ST8SIA6: variants seen among roughly 807,000 people sequenced by gnomAD.
ST8SIA6 encodes the protein alpha-2,8-sialyltransferase 8F.
Under a neutral mutation model 33.6 loss-of-function variants are expected in ST8SIA6, and 39 were observed. The ratio of observed to expected loss-of-function variants is 1.16; its 90% CI spans 0.90 to 1.52. The LOEUF is 1.52. ST8SIA6 is among the 40% of genes most tolerant of loss of function. The pLI, the probability that ST8SIA6 is intolerant of heterozygous loss-of-function variation, is 0.00. For missense variants in ST8SIA6, 441 were observed against 443.8 expected (o/e 0.99, Z 0.06); for synonymous variants, 172 against 167.2 (o/e 1.03, Z -0.22).
chr10:17,371,125 A>G (rs747587457), intron 3 of ST8SIA6, among the ~76,000 whole-genome samples: 1 of 152,186 alleles, frequency 6.6e-6, no homozygotes, highest in Non-Finnish European at 1.5e-5. Flanking sequence ...AAAGAGAGGA[A>G]TCAAGGATAA....
At chr10:17,440,685 T>C (rs1852451882) in intron 2 of ST8SIA6, among the ~76,000 whole-genome samples, 2 of 152,074 alleles carry the variant, frequency 1.3e-5, no homozygotes, top group Admixed American at 1.3e-4. Context: ...CCTATGTGAG[T>C]AATAAACCTT....
At chr10:17,333,717 A>ATATATATTTTT (rs1251981910) in intron 4 of ST8SIA6, among the ~76,000 whole-genome samples, 6 of 33,746 alleles carry the variant, frequency 1.8e-4, no homozygotes, top group Admixed American at 4.5e-4. Context: ...ATATATATAT[A>ATATATATTTTT]TTTTTTTTTT....
intron 3 of ST8SIA6, among the ~76,000 whole-genome samples, chr10:17,368,407 C>CAAAAAAAAAAA (rs200826980): frequency 9.7e-5 from 7 of 72,196 alleles, no homozygotes; most frequent in South Asian, 9.0e-4. Flanking sequence ...AGCTCTGTCT[C>CAAAAAAAAAAA]AAAAAAAAAA....
intron 7 of ST8SIA6, 99 bp from the exon 8 acceptor site, chr10:17,321,445 A>C: frequency 1.1e-6 from 1 of 947,130 alleles, no homozygotes; most frequent in Non-Finnish European, 1.5e-6. Flanking sequence ...CAAAACACTG[A>C]ACGATTTGTA....
intron 4 of ST8SIA6, among the ~76,000 whole-genome samples, chr10:17,356,839 A>G (rs1180730872): frequency 5.3e-5 from 8 of 151,794 alleles, no homozygotes; most frequent in Non-Finnish European, 1.2e-4. Context: ...CAGATTCTAT[A>G]CCTCATAATC....
intron 7 of ST8SIA6, 64 bp downstream of exon 7, chr10:17,323,001 C>G: frequency 1.4e-6 from 2 of 1,453,734 alleles, no homozygotes; most frequent in East Asian, 2.3e-5. Flanking sequence ...AGTGCTTAAG[C>G]TGAGAAACAT....
intron 3 of ST8SIA6, among the ~76,000 whole-genome samples, chr10:17,366,384 G>A (rs901577153): frequency 1.3e-5 from 2 of 151,648 alleles, no homozygotes; most frequent in Non-Finnish European, 2.9e-5. Context: ...CTTCTTCACA[G>A]CCCCAGTGAA....
At position 17,319,467 on chromosome 10, in the gene ST8SIA6, C is replaced by A. The variant is rs1847875596; in HGVS notation, c.*1411G>T. The stretch of plus-strand genomic sequence containing the variant: ...AACACAGATGTCGAACCAGAAACTT[C>A]AGATGTGTTAACTTGGAAATGTCTA... On this transcript the variant is annotated 3_prime_UTR_variant, in exon 8 of 8. Coordinates refer to ENST00000377602, the MANE Select transcript of ST8SIA6 (RefSeq NM_001004470.3). Among the ~76,000 whole-genome samples the A allele has an allele frequency of 6.6e-6, 1 of 152,110 alleles. No homozygotes were observed. The highest frequency in any genetic ancestry group is 2.4e-5 in the African/African-American group (1 of 41,424).
At position 17,321,185 on chromosome 10, in the gene ST8SIA6, A is replaced by G; in HGVS notation, c.890T>C (p.Leu297Pro). 1 of 1,614,144 alleles carries G rather than the reference A, an allele frequency of 6.2e-7. No homozygotes were observed. Among genetic ancestry groups the G allele is most frequent in the Non-Finnish European group, 8.5e-7 (1 of 1,179,998 alleles). Residue 297 changes from leucine (L) to proline (P), a missense_variant, in exon 8 of 8, where the codon CTA becomes CCA. Leu to Pro is a moderately conservative substitution (Grantham distance 98). Transcript: ENST00000377602. ...TTTCAGGTACTTGGGATGGAAAAAT[A>G]GAACCTTTTGTCTTGCTTTAGACTC... ...LEESKARQKV[L>P]FFHPKYLKDL...
intron 7 of ST8SIA6, 26 bp downstream of exon 7, chr10:17,323,039 C>T: frequency 6.3e-7 from 1 of 1,577,414 alleles, no homozygotes; most frequent in Non-Finnish European, 8.7e-7. Flanking sequence ...TGTTCCTGAT[C>T]AGTTATGTAA....
chr10:17,446,572 G>A (rs1006291714), intron 2 of ST8SIA6, among the ~76,000 whole-genome samples: 1 of 152,234 alleles, frequency 6.6e-6, no homozygotes, highest in African/African-American at 2.4e-5. Context: ...AAGTAATTCA[G>A]TAACATGGAA....
chr10:17,439,560 C>T (rs781707758), intron 2 of ST8SIA6, among the ~76,000 whole-genome samples: 7 of 152,200 alleles, frequency 4.6e-5, no homozygotes, highest in Non-Finnish European at 7.4e-5. Context: ...GGATTACAGG[C>T]GTGAGCCACC....
intron 2 of ST8SIA6, among the ~76,000 whole-genome samples, chr10:17,401,593 A>G (rs1267756484): frequency 6.6e-6 from 1 of 152,236 alleles, no homozygotes; most frequent in African/African-American, 2.4e-5. Flanking sequence ...ATGGAGACCA[A>G]TGGAACAGAA....
intron 2 of ST8SIA6, chr10:17,410,736 A>T: frequency 6.6e-6 from 1 of 152,164 alleles, no homozygotes; most frequent in East Asian, 1.9e-4. Flanking sequence ...ACACTAGAAA[A>T]AAATCACCAG....
At chr10:17,340,405 G>T (rs1409082477) in intron 4 of ST8SIA6, among the ~76,000 whole-genome samples, 2 of 151,394 alleles carry the variant, frequency 1.3e-5, no homozygotes, top group Non-Finnish European at 1.5e-5. Context: ...TGTCTTTCCT[G>T]CCAAAACTGC....
chr10:17,367,350 A>G (rs1849587831), intron 3 of ST8SIA6, among the ~76,000 whole-genome samples: 1 of 152,160 alleles, frequency 6.6e-6, no homozygotes, highest in Non-Finnish European at 1.5e-5. Context: ...TAAAACCATC[A>G]GATCTCTTGA....
At chr10:17,382,051 T>C (rs567621351) in intron 3 of ST8SIA6, among the ~76,000 whole-genome samples, 1 of 152,292 alleles carries the variant, frequency 6.6e-6, no homozygotes, top group African/African-American at 2.4e-5. Flanking sequence ...AATTTTGCAA[T>C]GGTGGTTTCA....
intron 2 of ST8SIA6, among the ~76,000 whole-genome samples, chr10:17,415,761 C>G (rs1851585852): frequency 6.7e-6 from 1 of 149,236 alleles, no homozygotes; most frequent in Non-Finnish European, 1.5e-5. Context: ...TCAAGCTCAT[C>G]AAAAGCCCCC....
At chr10:17,374,096 C>G (rs1417339572) in intron 3 of ST8SIA6, among the ~76,000 whole-genome samples, 1 of 150,210 alleles carries the variant, frequency 6.7e-6, no homozygotes, top group South Asian at 2.1e-4. Context: ...CACACACACA[C>G]ACACACACAC....
Sources: allele counts gnomAD v4.1 joint callset (sites outside exome capture counted in the v4.1 genomes callset), GRCh38; gene constraint gnomAD v4.1.1; transcripts MANE v1.5; gene names NCBI Gene and HGNC (gene_info 2026-07-23, HGNC 2026-07-21).